NARS2: variants seen among roughly 807,000 people sequenced by gnomAD.
The protein encoded by NARS2 is asparaginyl-tRNA synthetase 2, mitochondrial.
Under a neutral mutation model 62.9 loss-of-function variants are expected in NARS2, and 60 were observed. That is an observed-to-expected ratio of 0.95 (90% confidence interval 0.77 to 1.18). NARS2 has a LOEUF of 1.18. Ranked by LOEUF, NARS2 falls within the 50% of genes most tolerant of loss-of-function variation. The probability of loss-of-function intolerance (pLI) is 0.00; values close to 1 mark genes in which losing one functional copy is unlikely to be tolerated. For synonymous variants in NARS2, 196 were observed against 200.0 expected (o/e 0.98, Z 0.17); for missense variants, 619 against 576.4 (o/e 1.07, Z -0.76).
intron 12 of NARS2, among the ~76,000 whole-genome samples, chr11:78,443,195 G>A (rs1466912715): frequency 2.6e-5 from 4 of 151,794 alleles, no homozygotes; most frequent in Non-Finnish European, 4.4e-5. Context: ...GCGTGGTGGC[G>A]GGCGCCTGTA....
intron 5 of NARS2, among the ~76,000 whole-genome samples, chr11:78,532,417 GC>G (rs527445866): frequency 5.9e-5 from 9 of 152,160 alleles, no homozygotes; most frequent in Non-Finnish European, 1.2e-4. Flanking sequence ...AGGAACTCCT[GC>G]CAAGAAAACA....
chr11:78,436,457 G>T lies in NARS2; in HGVS notation c.*213C>A. 2 of 530,748 alleles carry T rather than the reference G, an allele frequency of 3.8e-6. No individual in the cohort carries two copies. Among genetic ancestry groups the T allele is most frequent in the Admixed American group, 3.4e-5 (1 of 29,580 alleles). The allele number at this position is 530,748 out of a possible 1,614,324, so 32.9% of individuals were successfully genotyped here. On this transcript the variant is annotated 3_prime_UTR_variant, in exon 14 of 14. Coordinates refer to ENST00000281038, the MANE Select transcript of NARS2 (RefSeq NM_024678.6). ...GGATTTGAGAGTCCCCTTGCTATAA[G>T]TACCTCTTCTTGCGGGAGCTCATCC... is the stretch of plus-strand genomic sequence containing the variant.
intron 7 of NARS2, among the ~76,000 whole-genome samples, chr11:78,485,277 C>G (rs1268023065): frequency 6.6e-6 from 1 of 151,932 alleles, no homozygotes; most frequent in African/African-American, 2.4e-5. Flanking sequence ...GGACAAATAC[C>G]TAATGCATGT....
At chr11:78,457,797 AAC>A (rs10556136) in intron 11 of NARS2, among the ~76,000 whole-genome samples, 2,733 of 148,028 alleles carry the variant, frequency 0.018, 34 homozygotes, top group East Asian at 0.086. Context: ...ATTATGTAAC[AAC>A]ACACACACAC....
At chr11:78,492,093 A>G (rs1859843344) in intron 7 of NARS2, among the ~76,000 whole-genome samples, 4 of 49,302 alleles carry the variant, frequency 8.1e-5, no homozygotes, top group African/African-American at 2.2e-4. Flanking sequence ...TACTTCATAT[A>G]TATATATATA....
chr11:78,500,984 T>G (rs935214679), intron 6 of NARS2, among the ~76,000 whole-genome samples: 1 of 151,940 alleles, frequency 6.6e-6, no homozygotes, highest in Non-Finnish European at 1.5e-5. Flanking sequence ...CCCAGCTAGC[T>G]GGGAGGCTGA....
intron 5 of NARS2, among the ~76,000 whole-genome samples, chr11:78,559,297 A>T: frequency 1.5e-5 from 1 of 65,360 alleles, no homozygotes; most frequent in Non-Finnish European, 3.0e-5. Flanking sequence ...GTGAGACTCC[A>T]TCTCAAAAAA....
chr11:78,481,339 A>G (rs778192127), intron 7 of NARS2, among the ~76,000 whole-genome samples: 1 of 152,198 alleles, frequency 6.6e-6, no homozygotes, highest in Non-Finnish European at 1.5e-5. Context: ...ATCACCTTCA[A>G]TTCAGCAGTG....
intron 4 of NARS2, among the ~76,000 whole-genome samples, chr11:78,561,116 C>T (rs1167567879): frequency 6.6e-6 from 1 of 152,046 alleles, no homozygotes; most frequent in Non-Finnish European, 1.5e-5. Flanking sequence ...AATCACACAC[C>T]TAGTGGGAAT....
intron 11 of NARS2, among the ~76,000 whole-genome samples, chr11:78,462,420 G>C (rs570906537): frequency 6.6e-6 from 1 of 152,282 alleles, no homozygotes; most frequent in South Asian, 2.1e-4. Flanking sequence ...ACTAGTTTTG[G>C]ATGATTTTGT....
chr11:78,475,039 A>G (rs917595992), intron 9 of NARS2, among the ~76,000 whole-genome samples: 5 of 152,134 alleles, frequency 3.3e-5, no homozygotes, highest in African/African-American at 1.2e-4. Flanking sequence ...TCTAACTGAA[A>G]CTTTGTACCC....
chr11:78,528,900 A>C lies in NARS2; in HGVS notation c.631T>G (p.Phe211Val). 6.2e-7 allele frequency: 1 copy of C among 1,613,014 alleles called. No homozygotes were observed. The highest frequency in any genetic ancestry group is 8.5e-7 in the Non-Finnish European group (1 of 1,179,486). ...ACAGTTAAGAAAGCAGGAACATTGA[A>C]GAAATTCTCCTCAGGTACCTTAAGT... ...GKLKVPEENF[F>V]NVPAFLTVSG... Residue 211 changes from phenylalanine to valine, a missense_variant, in exon 6 of 14, where the codon TTC (phenylalanine) becomes GTC (valine). By Grantham distance (50) the Phe-to-Val change is conservative. Transcript: ENST00000281038.
chr11:78,454,163 A>G (rs1858069472), intron 11 of NARS2, among the ~76,000 whole-genome samples: 1 of 152,186 alleles, frequency 6.6e-6, no homozygotes, highest in African/African-American at 2.4e-5. Context: ...TCTACTTTTT[A>G]TAATTAAAGT....
chr11:78,574,596 T>G lies in NARS2; in HGVS notation c.-108A>C. On this transcript the variant is annotated 5_prime_UTR_variant, in exon 1 of 14. Transcript: ENST00000281038. ...TGCTCCCCTTCCGCGGCCGCAGCTC[T>G]GCTCTAAGGCACTCCAGAGCCCCTC... 2 of 1,291,826 alleles carry G rather than the reference T, an allele frequency of 1.5e-6. No homozygotes were observed. Among genetic ancestry groups the G allele is most frequent in the Non-Finnish European group, 2.1e-6 (2 of 958,486 alleles). 80.0% of individuals were successfully genotyped at this position (1,291,826 alleles called of 1,614,324 possible).
intron 6 of NARS2, among the ~76,000 whole-genome samples, chr11:78,510,140 CT>C (rs773311112): frequency 3.9e-5 from 6 of 152,058 alleles, no homozygotes; most frequent in Non-Finnish European, 5.9e-5. Flanking sequence ...CCAGTAATTA[CT>C]TTAAATGTAA....
At chr11:78,483,392 A>C (rs1291066339) in intron 7 of NARS2, among the ~76,000 whole-genome samples, 3 of 152,218 alleles carry the variant, frequency 2.0e-5, no homozygotes, top group Non-Finnish European at 4.4e-5. Flanking sequence ...TCGCCAGGGC[A>C]ATCAGGCAAA....
chr11:78,475,130 T>G (rs578023105), intron 9 of NARS2, among the ~76,000 whole-genome samples: 1 of 151,154 alleles, frequency 6.6e-6, no homozygotes, highest in East Asian at 2.0e-4. Flanking sequence ...ACTTCTGTAG[T>G]GTTAACTTTA....
chr11:78,534,465 G>T (rs1861595908), intron 5 of NARS2, among the ~76,000 whole-genome samples: 1 of 152,122 alleles, frequency 6.6e-6, no homozygotes, highest in South Asian at 2.1e-4. Flanking sequence ...GAATTTCTTG[G>T]AATGTTGGTA....
intron 9 of NARS2, among the ~76,000 whole-genome samples, chr11:78,476,452 C>T (rs1255506282): frequency 2.0e-5 from 3 of 152,190 alleles, no homozygotes; most frequent in African/African-American, 7.2e-5. Context: ...ATTGTGCCTA[C>T]TTAGGGAAGG....
Sources: gnomAD v4.1 joint callset for allele counts (sites outside exome capture counted in the v4.1 genomes callset) on GRCh38, gnomAD v4.1.1 for gene constraint, MANE v1.5 for transcripts, NCBI Gene and HGNC (gene_info 2026-07-23, HGNC 2026-07-21) for gene names.